The following PIBF1 variants were observed in gnomAD, a reference collection of about 807,000 sequenced individuals.
The protein encoded by PIBF1 is progesterone-induced-blocking factor 1.
A neutral mutation model predicts 112.5 loss-of-function variants in PIBF1; 90 were observed. The observed-to-expected ratio is 0.80, with a 90% confidence interval of 0.67 to 0.95. The LOEUF (loss-of-function observed/expected upper bound fraction) is 0.95. PIBF1 is among the 40% of genes least tolerant of loss of function. The pLI is 0.00. For missense variants in PIBF1, 915 were observed against 852.3 expected (o/e 1.07, Z -0.92); for synonymous variants, 301 against 288.6 (o/e 1.04, Z -0.44).
At position 72,881,637 on chromosome 13, in the gene PIBF1, A is replaced by G. The variant is rs182174800; in HGVS notation, c.1323-12147A>G. 3.3e-5 allele frequency among the ~76,000 whole-genome samples: 5 copies of G among 151,472 alleles called. No homozygotes were observed. In the East Asian group the frequency reaches 9.7e-4, roughly 29 times the overall value. On this transcript the variant is annotated intron_variant, in intron 10 of 17. Coordinates refer to ENST00000326291, the MANE Select transcript of PIBF1 (RefSeq NM_006346.4). ...AGGCTGAGGCAGGAGAGTCACTTGA[A>G]CCCATGAGGTGGAGGTTGCAGTGAG...
In PIBF1 at chr13:72,821,933, T is replaced by C; in HGVS notation, c.757T>C (p.Leu253=). The C allele has an allele frequency of 6.2e-7, 1 of 1,612,784 alleles. No individual in the cohort carries two copies. Among genetic ancestry groups the C allele is most frequent in the Non-Finnish European group, 8.5e-7 (1 of 1,179,278 alleles). The change falls in exon 6 of 18, where the codon TTA becomes CTA. Residue 253 remains leucine, a synonymous_variant. Coordinates refer to ENST00000326291, the MANE Select transcript of PIBF1 (RefSeq NM_006346.4). ...CTTAGAATTAGCAGACACAAAACAG[T>C]TAATTCAGCAAGGTGACTACCGTCA... is the stretch of plus-strand genomic sequence containing the variant. ...LALELADTKQ[L]IQQGDYRQEN... is the part of the protein sequence containing the mutation.
At position 72,965,372 on chromosome 13, in the gene PIBF1, G is replaced by A. The variant is rs115128941; in HGVS notation, c.1932G>A (p.Thr644=). 17 of 1,610,016 alleles carry A rather than the reference G, an allele frequency of 1.1e-5. No homozygotes were observed. Among genetic ancestry groups the A allele is most frequent in the East Asian group, 8.9e-5 (4 of 44,714 alleles). ...RQRDSKIDSL[T]ESIAQLEKDV... Reference sequence around the variant, plus strand: ...GAGATTCTAAGATTGATTCACTGACGGAATCTATTGCACAACTTGAGAAAG... The same window carrying A: ...GAGATTCTAAGATTGATTCACTGACAGAATCTATTGCACAACTTGAGAAAG... The change falls in exon 15 of 18, where the codon ACG becomes ACA. Residue 644 remains threonine, a synonymous_variant. Transcript: ENST00000326291.
At chr13:72,872,997 T>G (rs946597195) in intron 10 of PIBF1, among the ~76,000 whole-genome samples, 1 of 152,166 alleles carries the variant, frequency 6.6e-6, no homozygotes, top group Non-Finnish European at 1.5e-5. Context: ...AACACTTAAT[T>G]TTGCTGTAGT....
Position 72,782,143 on chromosome 13 carries a change from T to C in PIBF1, c.-254T>C. ...CTCGGAACATCCGGGAGAGTTGACTTCCGGCGGCTTGTGGGAGTGCTGGTT... is the reference window on the plus strand; with the variant it reads ...CTCGGAACATCCGGGAGAGTTGACTCCCGGCGGCTTGTGGGAGTGCTGGTT... On this transcript the variant is annotated 5_prime_UTR_variant, in exon 1 of 18. Coordinates refer to ENST00000326291, the MANE Select transcript of PIBF1 (RefSeq NM_006346.4). 1 of 307,050 alleles carries C rather than the reference T, an allele frequency of 3.3e-6. No homozygotes were observed. Among genetic ancestry groups the C allele is most frequent in the Non-Finnish European group, 6.0e-6 (1 of 165,712 alleles). The allele number at this position is 307,050 out of a possible 1,614,324, so 19.0% of individuals were successfully genotyped here. A position where few individuals can be genotyped will look rare whatever the true frequency, so the allele number is the denominator to read the frequency against.
chr13:72,862,707 G>A (rs2038747385), intron 10 of PIBF1, among the ~76,000 whole-genome samples: 1 of 152,146 alleles, frequency 6.6e-6, no homozygotes, highest in Non-Finnish European at 1.5e-5. Context: ...CAGTCTGAAA[G>A]ATGAGAAGGA....
At position 72,913,150 on chromosome 13, in the gene PIBF1, T is replaced by C. The variant is rs372061584; in HGVS notation, c.1640-3926T>C. On this transcript the variant is annotated intron_variant, in intron 12 of 17. Transcript: ENST00000326291. ...CAAAAATTAACTGAGAAAAGTGACA[T>C]GGAACTTTCCAGGGTATTCAGATGT... Among the ~76,000 whole-genome samples, 19 of 152,048 alleles carry C rather than the reference T, an allele frequency of 1.2e-4. No individual in the cohort carries two copies. The East Asian group carries it at 2.3e-3, about 18-fold the overall frequency.
In PIBF1 at chr13:72,954,526, G is replaced by T. The variant is rs1433596229; in HGVS notation, c.1834-10748G>T. 2.0e-5 allele frequency among the ~76,000 whole-genome samples: 3 copies of T among 152,216 alleles called. No individual in the cohort carries two copies. In the East Asian group the frequency reaches 5.8e-4, roughly 29 times the overall value. On this transcript the variant is annotated intron_variant, in intron 14 of 17. Coordinates refer to ENST00000326291, the MANE Select transcript of PIBF1 (RefSeq NM_006346.4). ...GAATGGCTTTCCTCCATCCCCGCTGGAATCTGGTAGTGCGTGCAAAGCACA... is the reference window on the plus strand; with the variant it reads ...GAATGGCTTTCCTCCATCCCCGCTGTAATCTGGTAGTGCGTGCAAAGCACA...
intron 14 of PIBF1, among the ~76,000 whole-genome samples, chr13:72,932,370 CT>C (rs760735581): frequency 1.1e-4 from 16 of 152,164 alleles, no homozygotes; most frequent in Admixed American, 5.2e-4. Context: ...TGTTTATATT[CT>C]TTAGAGTGTC....
At chr13:72,881,641 A>C (rs575776080) in intron 10 of PIBF1, among the ~76,000 whole-genome samples, 4 of 151,438 alleles carry the variant, frequency 2.6e-5, no homozygotes, top group Non-Finnish European at 5.9e-5. Flanking sequence ...ACTTGAACCC[A>C]TGAGGTGGAG....
intron 16 of PIBF1, among the ~76,000 whole-genome samples, chr13:72,984,937 C>T (rs562132378): frequency 4.8e-4 from 73 of 151,978 alleles, no homozygotes; most frequent in Non-Finnish European, 9.3e-4. Flanking sequence ...AACATATAGA[C>T]CTAGCAATTT....
intron 12 of PIBF1, among the ~76,000 whole-genome samples, chr13:72,911,228 C>G (rs1346627811): frequency 1.3e-5 from 2 of 152,140 alleles, no homozygotes; most frequent in Non-Finnish European, 2.9e-5. Context: ...ATTGCACTAC[C>G]TGTTTTCAAG....
At chr13:72,904,816 G>T (rs1407862240) in intron 11 of PIBF1, among the ~76,000 whole-genome samples, 2 of 151,442 alleles carry the variant, frequency 1.3e-5, no homozygotes, top group African/African-American at 4.9e-5. Context: ...ATAATACTAG[G>T]TGACAATATT....
chr13:72,983,351 T>C (rs2043199229), intron 16 of PIBF1, among the ~76,000 whole-genome samples: 1 of 152,178 alleles, frequency 6.6e-6, no homozygotes, highest in East Asian at 1.9e-4. Context: ...TATCCTCTCA[T>C]TGCAGTGTTT....
chr13:72,925,600 G>A (rs2041454317), intron 13 of PIBF1, among the ~76,000 whole-genome samples: 1 of 137,662 alleles, frequency 7.3e-6, no homozygotes, highest in Non-Finnish European at 1.5e-5. Flanking sequence ...GGAGTGCAGT[G>A]GTGGAATCTC....
At chr13:72,832,973 T>A (rs1269411683) in intron 8 of PIBF1, among the ~76,000 whole-genome samples, 1 of 152,206 alleles carries the variant, frequency 6.6e-6, no homozygotes, top group African/African-American at 2.4e-5. Context: ...TCCTTTTTAT[T>A]CTTTTGTCTC....
At chr13:72,980,200 A>G (rs1287739939) in intron 16 of PIBF1, among the ~76,000 whole-genome samples, 1 of 152,216 alleles carries the variant, frequency 6.6e-6, no homozygotes, top group Non-Finnish European at 1.5e-5. Flanking sequence ...GTCACAACAT[A>G]AAGATGTTAC....
chr13:72,980,026 G>T (rs182094575), intron 16 of PIBF1, among the ~76,000 whole-genome samples: 4 of 152,236 alleles, frequency 2.6e-5, no homozygotes, highest in Admixed American at 6.5e-5. Flanking sequence ...TGATGCCTAG[G>T]TTTTTGGCTT....
At chr13:72,901,625 C>T (rs1274244593) in intron 11 of PIBF1, among the ~76,000 whole-genome samples, 7 of 151,606 alleles carry the variant, frequency 4.6e-5, no homozygotes, top group East Asian at 3.9e-4. Flanking sequence ...GAAGAGGTTG[C>T]GGTGAGCAAA....
intron 5 of PIBF1, among the ~76,000 whole-genome samples, chr13:72,816,888 A>G (rs2036300417): frequency 6.6e-6 from 1 of 152,180 alleles, no homozygotes; most frequent in African/African-American, 2.4e-5. Context: ...TAACAATGAC[A>G]AGAGTTGTCT....
Sources: allele counts gnomAD v4.1 joint callset (sites outside exome capture counted in the v4.1 genomes callset), GRCh38; gene constraint gnomAD v4.1.1; transcripts MANE v1.5; gene names NCBI Gene and HGNC (gene_info 2026-07-23, HGNC 2026-07-21).